DNAI1: variants seen among roughly 807,000 people sequenced by gnomAD.
DNAI1 encodes the protein dynein axonemal intermediate chain 1.
In DNAI1, 67 loss-of-function variants were observed where a neutral mutation model predicts 92.0. The observed-to-expected ratio is 0.73, with a 90% CI of 0.60 to 0.89. The LOEUF is 0.89. Among genes scored for constraint, DNAI1 ranks in the 40% least tolerant of loss-of-function variants. The pLI is 0.00. For missense variants in DNAI1, 839 were observed against 866.6 expected, an observed-to-expected ratio of 0.97 and a Z score of 0.40; for synonymous variants, 323 against 319.6, an observed-to-expected ratio of 1.01 and a Z score of -0.11.
rs780083408 is a variant in DNAI1 at position 34,517,396 on chromosome 9, A to T, written c.1930A>T (p.Ile644Phe). Residue 644 changes from isoleucine (I) to phenylalanine (F), a missense_variant, in exon 19 of 20, where the codon ATC (isoleucine) becomes TTC (phenylalanine). Transcript: ENST00000242317. The part of the protein sequence containing the change: ...HVQFNLIHPI[I>F]IVGDDRGHII... ...GCAGTTCAATCTCATCCACCCCATC[A>T]TCATTGTGGGCGATGACCGTGGGCA... 1 of 1,614,144 alleles carries T rather than the reference A, an allele frequency of 6.2e-7. No homozygotes were observed. Among genetic ancestry groups the T allele is most frequent in the Non-Finnish European group, 8.5e-7 (1 of 1,180,022 alleles).
At chr9:34,494,558 C>G (rs1268296340) in intron 9 of DNAI1, among the ~76,000 whole-genome samples, 1 of 152,202 alleles carries the variant, frequency 6.6e-6, no homozygotes, top group Non-Finnish European at 1.5e-5. Flanking sequence ...AAGCTCTGTA[C>G]TGGGACCCAT....
At chr9:34,517,503 TAA>T (rs1825193230) in intron 19 of DNAI1, 36 bp downstream of exon 19, 2 of 1,613,248 alleles carry the variant, frequency 1.2e-6, no homozygotes, top group African/African-American at 1.3e-5. Flanking sequence ...CTGCAAGACG[TAA>T]AGTCTCCAGG....
rs1289012126 is a variant in DNAI1 at position 34,503,802 on chromosome 9, G to T, written c.1063+2621G>T. On this transcript the variant is annotated intron_variant, in intron 12 of 19. Coordinates refer to ENST00000242317, the MANE Select transcript of DNAI1 (RefSeq NM_012144.4). ...TAGGCTGCTTAAAGGGCAAAGATTGGGATCCCCCTAGGGCCAGGCTACATG... is the reference window on the plus strand; with the variant it reads ...TAGGCTGCTTAAAGGGCAAAGATTGTGATCCCCCTAGGGCCAGGCTACATG... Among the ~76,000 whole-genome samples, 3 of 152,304 alleles carry T rather than the reference G, an allele frequency of 2.0e-5. No homozygotes were observed. In the South Asian group the frequency reaches 6.2e-4, roughly 32 times the overall value.
Position 34,512,124 on chromosome 9 carries a change from G to C in DNAI1, c.1327G>C (p.Asp443His). The C allele has an allele frequency of 6.2e-7, 1 of 1,614,146 alleles. No homozygotes were observed. The highest frequency in any genetic ancestry group is 8.5e-7 in the Non-Finnish European group (1 of 1,180,024). Residue 443 changes from aspartate (D) to histidine (H), a missense_variant, in exon 14 of 20, where the codon GAT becomes CAT. Coordinates refer to ENST00000242317, the MANE Select transcript of DNAI1 (RefSeq NM_012144.4). ...GATGTTTCAGGTCAAGTGGCAGAAG[G>C]ATGACATGGACCAAAACCTTAACTT... ...DPVWQVKWQK[D>H]DMDQNLNFFS...
At chr9:34,477,083 A>G (rs1438811292) in intron 1 of DNAI1, among the ~76,000 whole-genome samples, 1 of 152,072 alleles carries the variant, frequency 6.6e-6, no homozygotes, top group South Asian at 2.1e-4. Flanking sequence ...TGGCACAATC[A>G]TAGCGCACTG....
intron 1 of DNAI1, among the ~76,000 whole-genome samples, chr9:34,471,835 A>G (rs1824141165): frequency 6.6e-6 from 1 of 152,210 alleles, no homozygotes; most frequent in African/African-American, 2.4e-5. Flanking sequence ...TAATGATGAC[A>G]TCTCAATAGA....
At chr9:34,483,079 C>T (rs547508366) in intron 1 of DNAI1, among the ~76,000 whole-genome samples, 6 of 152,334 alleles carry the variant, frequency 3.9e-5, no homozygotes, top group African/African-American at 1.2e-4. Flanking sequence ...ACCAAGCCCA[C>T]GCCCACCCGG....
intron 7 of DNAI1, among the ~76,000 whole-genome samples, chr9:34,490,949 C>T (rs915025840): frequency 2.0e-5 from 3 of 152,162 alleles, no homozygotes; most frequent in African/African-American, 2.4e-5. Context: ...GAGACTCACA[C>T]GTAAGGGGAG....
chr9:34,489,829 C>T (rs528258897), intron 5 of DNAI1, among the ~76,000 whole-genome samples, 183 bp from the exon 6 acceptor site: 3 of 151,906 alleles, frequency 2.0e-5, no homozygotes, highest in South Asian at 2.1e-4. Context: ...TCCAGCCTGG[C>T]GACACAGTGA....
At chr9:34,491,902 T>C (rs1336134722) in intron 8 of DNAI1, among the ~76,000 whole-genome samples, 1 of 152,170 alleles carries the variant, frequency 6.6e-6, no homozygotes, top group East Asian at 1.9e-4. Context: ...TGTGACTGAC[T>C]CCAAAGTGTT....
At chr9:34,466,115 A>T (rs1588087475) in intron 1 of DNAI1, among the ~76,000 whole-genome samples, 2 of 152,346 alleles carry the variant, frequency 1.3e-5, no homozygotes, top group East Asian at 1.9e-4. Context: ...ATGAATAATG[A>T]CTGAATGAGT....
At chr9:34,500,922 C>A in intron 11 of DNAI1, 83 bp downstream of exon 11, 1 of 1,149,732 alleles carries the variant, frequency 8.7e-7, no homozygotes, top group Non-Finnish European at 1.3e-6. Flanking sequence ...CTGCACTTAA[C>A]CACCTTGAGT....
In DNAI1 at chr9:34,520,714, C is replaced by T. The variant is rs770774973; in HGVS notation, c.2058C>T (p.Asp686=). Residue 686 remains aspartate, a synonymous_variant, in exon 20 of 20, where the codon GAC becomes GAT. Coordinates refer to ENST00000242317, the MANE Select transcript of DNAI1 (RefSeq NM_012144.4). ...CAGCTGTGGAGATTGCGAAACTGGA[C>T]AAACTGCTGAACCTGGTGAGGGAAG... The part of the protein sequence containing the change: ...KGPAVEIAKL[D]KLLNLVREVK... 6.4e-6 allele frequency: 10 copies of T among 1,551,664 alleles called. No individual in the cohort carries two copies. The highest frequency in any genetic ancestry group is 7.0e-6 in the Non-Finnish European group (8 of 1,146,992).
chr9:34,489,385 G>T lies in DNAI1; in HGVS notation c.324G>T (p.Gly108=). 6.2e-7 allele frequency: 1 copy of T among 1,614,086 alleles called. No homozygotes were observed. Among genetic ancestry groups the T allele is most frequent in the Non-Finnish European group, 8.5e-7 (1 of 1,179,988 alleles). The stretch of plus-strand genomic sequence containing the variant: ...TGGCAGTTCACTACACCCAGGTTGG[G>T]AACCTGATCCCCAAAGACTCAGATG... ...NQLAVHYTQV[G]NLIPKDSDEG... Residue 108 remains glycine, a synonymous_variant, in exon 5 of 20, where the codon GGG becomes GGT. Transcript: ENST00000242317.
chr9:34,516,708 G>A (rs948581109), intron 18 of DNAI1, among the ~76,000 whole-genome samples: 3 of 151,464 alleles, frequency 2.0e-5, no homozygotes, highest in Non-Finnish European at 2.9e-5. Flanking sequence ...CATAGTGAGT[G>A]CTCAACAAAT....
chr9:34,477,417 C>T (rs1824260433), intron 1 of DNAI1, among the ~76,000 whole-genome samples: 1 of 152,140 alleles, frequency 6.6e-6, no homozygotes, highest in Non-Finnish European at 1.5e-5. Flanking sequence ...ATAGTTCATA[C>T]TCCATATGGT....
intron 1 of DNAI1, among the ~76,000 whole-genome samples, chr9:34,467,476 CA>C (rs1416446285): frequency 4.4e-5 from 6 of 137,590 alleles, no homozygotes; most frequent in South Asian, 2.4e-4. Context: ...CACACACACA[CA>C]CACACCACAA....
intron 10 of DNAI1, among the ~76,000 whole-genome samples, chr9:34,499,983 G>C (rs1044631595): frequency 6.6e-6 from 1 of 152,270 alleles, no homozygotes; most frequent in East Asian, 1.9e-4. Context: ...CCAGTTAGAG[G>C]GATGTTGTCA....
At chr9:34,469,328 T>C (rs1305282878) in intron 1 of DNAI1, among the ~76,000 whole-genome samples, 1 of 145,032 alleles carries the variant, frequency 6.9e-6, no homozygotes, top group African/African-American at 2.6e-5. Flanking sequence ...TGCAATGGCA[T>C]GCTCACAGCT....
Sources: allele counts gnomAD v4.1 joint callset (sites outside exome capture counted in the v4.1 genomes callset), GRCh38; gene constraint gnomAD v4.1.1; transcripts MANE v1.5; gene names NCBI Gene and HGNC (gene_info 2026-07-23, HGNC 2026-07-21).